Variants in DGKB observed in about 807,000 individuals in gnomAD.
The protein encoded by DGKB is diacylglycerol kinase beta, also known as 90 kDa diacylglycerol kinase.
A neutral mutation model predicts 114.3 loss-of-function variants in DGKB; 67 were observed. The observed-to-expected ratio is 0.59, with a 90% CI of 0.48 to 0.72. The LOEUF (loss-of-function observed/expected upper bound fraction) is 0.72. Among genes scored for constraint, DGKB ranks in the 30% least tolerant of loss-of-function variants. DGKB has a pLI of 0.00. For synonymous variants in DGKB, 398 were observed against 323.1 expected, an observed-to-expected ratio of 1.23 and a Z score of -2.49; for missense variants, 907 against 975.2, an observed-to-expected ratio of 0.93 and a Z score of 0.93.
intron 20 of DGKB, among the ~76,000 whole-genome samples, chr7:14,493,961 C>CACACACACAT (rs1366266748): frequency 7.0e-6 from 1 of 142,262 alleles, no homozygotes; most frequent in East Asian, 2.0e-4. Context: ...CACACACACA[C>CACACACACAT]ATCTATGTAC....
chr7:14,211,186 G>A (rs559943869), intron 23 of DGKB, among the ~76,000 whole-genome samples: 2 of 152,074 alleles, frequency 1.3e-5, no homozygotes, highest in African/African-American at 4.8e-5. Flanking sequence ...ATATCTTCAC[G>A]CTGCTAAAAT....
chr7:14,829,759 A>G (rs1203871009), intron 2 of DGKB, among the ~76,000 whole-genome samples: 1 of 152,162 alleles, frequency 6.6e-6, no homozygotes, highest in Non-Finnish European at 1.5e-5. Context: ...CAATAGGAGA[A>G]GAAAAAATCC....
chr7:14,643,333 G>A (rs1017050989), intron 13 of DGKB, among the ~76,000 whole-genome samples: 4 of 142,552 alleles, frequency 2.8e-5, no homozygotes, highest in East Asian at 2.0e-4. Context: ...AGAGTTTCCT[G>A]GAGTTCACAT....
At chr7:14,848,261 T>C (rs1227695671) in intron 1 of DGKB, among the ~76,000 whole-genome samples, 3 of 152,144 alleles carry the variant, frequency 2.0e-5, no homozygotes, top group Non-Finnish European at 2.9e-5. Context: ...TGAAAATGAA[T>C]AGGATAAGTT....
intron 25 of DGKB, among the ~76,000 whole-genome samples, chr7:14,154,692 A>AC (rs879883985): frequency 5.3e-5 from 8 of 152,120 alleles, no homozygotes; most frequent in Admixed American, 2.0e-4. Context: ...CCATAAAAAA[A>AC]AAACAAACAA....
At chr7:14,886,404 T>A (rs958910179) in intron 1 of DGKB, among the ~76,000 whole-genome samples, 3 of 151,806 alleles carry the variant, frequency 2.0e-5, no homozygotes, top group Non-Finnish European at 4.4e-5. Flanking sequence ...AAGTCCTTCA[T>A]ATTCAACATG....
intron 1 of DGKB, among the ~76,000 whole-genome samples, chr7:14,949,708 A>T (rs985836691): frequency 6.6e-6 from 1 of 151,878 alleles, no homozygotes; most frequent in African/African-American, 2.4e-5. Flanking sequence ...GGCATACCAT[A>T]GTAAAAATGA....
intron 1 of DGKB, among the ~76,000 whole-genome samples, chr7:14,856,884 G>A (rs1043529212): frequency 6.6e-6 from 1 of 152,170 alleles, no homozygotes; most frequent in African/African-American, 2.4e-5. Context: ...TTAAGTATTT[G>A]CCCATAAATG....
At chr7:14,313,614 C>G (rs1442400380) in intron 23 of DGKB, among the ~76,000 whole-genome samples, 2 of 152,236 alleles carry the variant, frequency 1.3e-5, no homozygotes, top group Admixed American at 6.5e-5. Context: ...ATATCCGCAC[C>G]TGGCTCGGAG....
intron 1 of DGKB, among the ~76,000 whole-genome samples, chr7:14,892,277 G>C (rs894536581): frequency 6.6e-6 from 1 of 151,186 alleles, no homozygotes; most frequent in Non-Finnish European, 1.5e-5. Context: ...GAAAGAAGTA[G>C]AATGTCAGCG....
At chr7:14,750,948 C>T (rs4719419) in intron 4 of DGKB, among the ~76,000 whole-genome samples, 53,738 of 151,194 alleles carry the variant, frequency 0.36, 13,236 homozygotes, top group African/African-American at 0.69. Context: ...AGACTACAGG[C>T]GCTCACTCCC....
At position 14,146,308 on chromosome 7, in the gene DGKB, A is replaced by C. The variant is rs192081390; in HGVS notation, c.*2823T>G. ...GAAATGTCTCTCTGGAATCTCATCA[A>C]CTCAGTGCCTAGCAATGTTTAGCAG... On this transcript the variant is annotated 3_prime_UTR_variant, in exon 26 of 26. Coordinates refer to ENST00000402815, the MANE Select transcript of DGKB (RefSeq NM_001350709.2). 7.9e-5 allele frequency: 12 copies of C among 152,270 alleles called. No homozygotes were observed. Among genetic ancestry groups the C allele is most frequent in the African/African-American group, 2.6e-4 (11 of 41,564 alleles). The allele number at this position is 152,270 out of a possible 1,614,324, so 9.4% of individuals were successfully genotyped here. A position where few individuals can be genotyped will look rare whatever the true frequency, so the allele number is the denominator to read the frequency against.
At chr7:14,163,011 AT>A (rs140737176) in intron 25 of DGKB, among the ~76,000 whole-genome samples, 332 of 151,290 alleles carry the variant, frequency 2.2e-3, no homozygotes, top group African/African-American at 7.3e-3. Flanking sequence ...GATTAATGGT[AT>A]TTTTTTTTCA....
chr7:14,760,976 C>T (rs1326882168), intron 2 of DGKB, among the ~76,000 whole-genome samples: 1 of 152,132 alleles, frequency 6.6e-6, no homozygotes, highest in African/African-American at 2.4e-5. Flanking sequence ...CTGCCCTTTC[C>T]ATGAACTAGG....
intron 5 of DGKB, among the ~76,000 whole-genome samples, chr7:14,735,745 G>T (rs145141544): frequency 6.6e-6 from 1 of 152,032 alleles, no homozygotes; most frequent in Non-Finnish European, 1.5e-5. Context: ...CAATCTATAC[G>T]TATCTAGTTA....
chr7:14,819,793 C>T (rs1844657801), intron 2 of DGKB, among the ~76,000 whole-genome samples: 1 of 151,770 alleles, frequency 6.6e-6, no homozygotes, highest in Admixed American at 6.6e-5. Flanking sequence ...ATATCTATAC[C>T]ATATATCTTT....
intron 13 of DGKB, among the ~76,000 whole-genome samples, chr7:14,658,060 T>C (rs903324674): frequency 2.6e-5 from 4 of 151,948 alleles, no homozygotes; most frequent in African/African-American, 7.2e-5. Flanking sequence ...ATATTTACAA[T>C]GCATAATTTA....
intron 20 of DGKB, among the ~76,000 whole-genome samples, chr7:14,540,448 T>A (rs1020997713): frequency 6.6e-5 from 10 of 152,138 alleles, no homozygotes; most frequent in African/African-American, 2.4e-4. Context: ...ATGTCTAACC[T>A]AAAAAGCTCT....
At chr7:14,431,250 C>T (rs1210516549) in intron 21 of DGKB, among the ~76,000 whole-genome samples, 2 of 152,100 alleles carry the variant, frequency 1.3e-5, no homozygotes, top group African/African-American at 4.8e-5. Context: ...GAACCATCAG[C>T]CATTCTGCAG....
Sources: gnomAD v4.1 joint callset for allele counts (sites outside exome capture counted in the v4.1 genomes callset) on GRCh38, gnomAD v4.1.1 for gene constraint, MANE v1.5 for transcripts, NCBI Gene and HGNC (gene_info 2026-07-23, HGNC 2026-07-21) for gene names.